STK39: variants seen among roughly 807,000 people sequenced by gnomAD.
STK39 encodes serine/threonine kinase 39, also known as STE20/SPS1-related proline-alanine-rich protein kinase.
Under a neutral mutation model 77.8 loss-of-function variants are expected in STK39, and 20 were observed. The ratio of observed to expected loss-of-function variants is 0.26; its 90% CI spans 0.18 to 0.37. STK39 has a LOEUF of 0.37. STK39 is among the 10% of genes least tolerant of loss of function. The probability of loss-of-function intolerance (pLI) is 1.00; values close to 1 mark genes in which losing one functional copy is unlikely to be tolerated. For synonymous variants in STK39, 246 were observed against 234.1 expected (o/e 1.05, Z -0.47); for missense variants, 479 against 656.5 (o/e 0.73, Z 2.95).
intron 5 of STK39, among the ~76,000 whole-genome samples, chr2:168,143,771 T>A (rs1245247469): frequency 6.6e-6 from 1 of 152,014 alleles, no homozygotes; most frequent in Non-Finnish European, 1.5e-5. Flanking sequence ...TCAAAATCCT[T>A]CAGCATAACA....
intron 1 of STK39, among the ~76,000 whole-genome samples, chr2:168,214,562 AAAC>A (rs1293982802): frequency 6.6e-6 from 1 of 152,342 alleles, no homozygotes; most frequent in East Asian, 1.9e-4. Context: ...GGTGATGGTT[AAAC>A]AACGTCGTGA....
At chr2:168,112,320 C>T (rs1454176983) in intron 10 of STK39, among the ~76,000 whole-genome samples, 1 of 152,008 alleles carries the variant, frequency 6.6e-6, no homozygotes. Context: ...CTCTGCAGCC[C>T]CACTCAAATC....
chr2:168,187,306 A>C (rs918290634), intron 1 of STK39, among the ~76,000 whole-genome samples: 1 of 151,914 alleles, frequency 6.6e-6, no homozygotes, highest in Non-Finnish European at 1.5e-5. Flanking sequence ...AGCTGAGATC[A>C]TGCCACTGCA....
At chr2:168,049,686 CAT>C (rs1319397876) in intron 14 of STK39, among the ~76,000 whole-genome samples, 3 of 152,242 alleles carry the variant, frequency 2.0e-5, no homozygotes, top group Non-Finnish European at 2.9e-5. Flanking sequence ...CACTGCCTTG[CAT>C]ATGAGTAGCA....
intron 16 of STK39, among the ~76,000 whole-genome samples, chr2:168,005,398 G>C (rs1029196917): frequency 6.9e-6 from 1 of 144,782 alleles, no homozygotes; most frequent in South Asian, 2.1e-4. Context: ...GGCAAGGAAC[G>C]TGGGAAAACG....
chr2:168,206,742 C>A (rs796348303), intron 1 of STK39, among the ~76,000 whole-genome samples: 42 of 152,238 alleles, frequency 2.8e-4, no homozygotes, highest in African/African-American at 8.7e-4. Flanking sequence ...ACCCAATATT[C>A]CACTCACTTC....
chr2:167,991,602 T>C (rs947634717), intron 16 of STK39, among the ~76,000 whole-genome samples: 1 of 152,168 alleles, frequency 6.6e-6, no homozygotes, highest in African/African-American at 2.4e-5. Flanking sequence ...AATGCTGCAA[T>C]TGTACATTTT....
intron 16 of STK39, among the ~76,000 whole-genome samples, chr2:168,011,457 A>G (rs1424923439): frequency 1.3e-5 from 2 of 152,228 alleles, no homozygotes; most frequent in African/African-American, 2.4e-5. Flanking sequence ...AATAATTAAC[A>G]TAATTATGAA....
At chr2:168,106,158 A>G (rs1024964952) in intron 10 of STK39, among the ~76,000 whole-genome samples, 6 of 152,334 alleles carry the variant, frequency 3.9e-5, no homozygotes, top group African/African-American at 1.4e-4. Flanking sequence ...TAAAGTAATG[A>G]TACTCAGTCA....
chr2:168,004,112 C>T (rs983014320), intron 16 of STK39, among the ~76,000 whole-genome samples: 12 of 152,180 alleles, frequency 7.9e-5, no homozygotes, highest in African/African-American at 2.9e-4. Flanking sequence ...AGAGCCTAAG[C>T]GTACTTTGCC....
Position 168,238,244 on chromosome 2 carries a change from G to A in STK39, c.208+8984C>T, listed in dbSNP as rs553169020. ...GGCTCCAAAATACTCCCTGAATGAA[G>A]ATCTATCATTCACAGGGCAGAAAGT... On this transcript the variant is annotated intron_variant, in intron 1 of 17. Coordinates refer to ENST00000355999, the MANE Select transcript of STK39 (RefSeq NM_013233.3). Among the ~76,000 whole-genome samples the A allele has an allele frequency of 4.6e-5, 7 of 152,306 alleles. No individual in the cohort carries two copies. The East Asian group carries it at 1.2e-3, about 25-fold the overall frequency.
At chr2:168,013,477 A>G (rs760773325) in intron 15 of STK39, among the ~76,000 whole-genome samples, 2 of 152,224 alleles carry the variant, frequency 1.3e-5, no homozygotes, top group African/African-American at 4.8e-5. Context: ...AAGAACTGTT[A>G]TAAGCCCCCA....
rs200345832 is a variant in STK39, at chr2:167,954,789, C to T, written c.*707G>A. ...CAAACAGACTAAAAGAATAAGCATC[C>T]AAATTCCTAATTCAGTCATTTCAAA... is the stretch of plus-strand genomic sequence containing the variant. On this transcript the variant is annotated 3_prime_UTR_variant, in exon 18 of 18. Coordinates refer to ENST00000355999, the MANE Select transcript of STK39 (RefSeq NM_013233.3). 1 of 152,540 alleles carries T rather than the reference C, an allele frequency of 6.6e-6. No individual in the cohort carries two copies. The highest frequency in any genetic ancestry group is 1.5e-5 in the Non-Finnish European group (1 of 68,030). The allele number at this position is 152,540 out of a possible 1,614,324, so 9.4% of individuals were successfully genotyped here.
intron 14 of STK39, among the ~76,000 whole-genome samples, chr2:168,035,820 T>A (rs1042093001): frequency 3.3e-5 from 5 of 152,144 alleles, no homozygotes; most frequent in African/African-American, 1.2e-4. Flanking sequence ...GCTGTTGAAA[T>A]CATGAATGCC....
chr2:168,157,296 T>C (rs1430813947), intron 5 of STK39, among the ~76,000 whole-genome samples: 1 of 152,212 alleles, frequency 6.6e-6, no homozygotes. Flanking sequence ...TTTGAATGGA[T>C]GCACATACGT....
intron 8 of STK39, among the ~76,000 whole-genome samples, chr2:168,135,452 G>A (rs555882543): frequency 2.1e-3 from 313 of 152,264 alleles, no homozygotes; most frequent in Non-Finnish European, 3.6e-3. Flanking sequence ...ATAAAGTAGA[G>A]CTAGGAATCC....
At chr2:168,054,244 G>C (rs1037506396) in intron 14 of STK39, among the ~76,000 whole-genome samples, 2 of 152,182 alleles carry the variant, frequency 1.3e-5, no homozygotes, top group African/African-American at 2.4e-5. Flanking sequence ...CAGGGTCAGG[G>C]AAGAAGAACA....
At position 168,057,204 on chromosome 2, in the gene STK39, C is replaced by CT. The variant is rs547536304; in HGVS notation, c.1376+6295dup. The stretch of plus-strand genomic sequence containing the variant: ...TACAAATGTTTTATTTATTTACTTA[C>CT]TTTTTTGAGACAGAGTCTCGCTCTG... On this transcript the variant is annotated intron_variant, in intron 14 of 17. Transcript: ENST00000355999. Among the ~76,000 whole-genome samples the CT allele has an allele frequency of 2.2e-3, 335 of 152,232 alleles. 4 individuals carry two copies. The highest frequency in any genetic ancestry group is 7.8e-3 in the African/African-American group (325 of 41,550).
intron 1 of STK39, among the ~76,000 whole-genome samples, chr2:168,245,792 T>C (rs911743781): frequency 6.6e-6 from 1 of 152,216 alleles, no homozygotes; most frequent in Non-Finnish European, 1.5e-5. Context: ...TGAAGCTATT[T>C]CAGGCAGTGA....
Sources: allele counts gnomAD v4.1 joint callset (sites outside exome capture counted in the v4.1 genomes callset), GRCh38; gene constraint gnomAD v4.1.1; transcripts MANE v1.5; gene names NCBI Gene and HGNC (gene_info 2026-07-23, HGNC 2026-07-21).